MYOF: variants seen among roughly 807,000 people sequenced by gnomAD.
MYOF encodes the protein myoferlin, also known as fer-1-like 3, myoferlin.
A neutral mutation model predicts 284.2 loss-of-function variants in MYOF; 244 were observed. That is an observed-to-expected ratio of 0.86 (90% confidence interval 0.77 to 0.95). The LOEUF (loss-of-function observed/expected upper bound fraction) is 0.95, where lower values mean the gene tolerates loss of function less well. Among genes scored for constraint, MYOF ranks in the 40% least tolerant of loss-of-function variants. The pLI is 0.00. For synonymous variants in MYOF, 904 were observed against 919.7 expected, an observed-to-expected ratio of 0.98 and a Z score of 0.31; for missense variants, 2,496 against 2,560.6, an observed-to-expected ratio of 0.97 and a Z score of 0.54.
intron 13 of MYOF, 133 bp downstream of exon 13, chr10:93,399,259 T>A: frequency 1.6e-6 from 1 of 643,158 alleles, no homozygotes; most frequent in Non-Finnish European, 2.7e-6. Context: ...TCAGATAATC[T>A]GTGTTCCCTC....
chr10:93,361,366 G>A (rs1845062671), intron 28 of MYOF, 86 bp downstream of exon 28: 1 of 1,307,734 alleles, frequency 7.6e-7, no homozygotes, highest in African/African-American at 1.5e-5. Context: ...ACAGAAGTGA[G>A]GCCCCTCCCT....
At chr10:93,427,697 G>A (rs17481041) in intron 4 of MYOF, among the ~76,000 whole-genome samples, 19,969 of 151,854 alleles carry the variant, frequency 0.13, 1,465 homozygotes, top group Middle Eastern at 0.19. Flanking sequence ...TGTGACCTCC[G>A]AAATGCCTAG....
At chr10:93,388,562 G>A (rs542161204) in intron 18 of MYOF, among the ~76,000 whole-genome samples, 249 of 152,298 alleles carry the variant, frequency 1.6e-3, no homozygotes, top group Non-Finnish European at 2.2e-3. Flanking sequence ...TTTCTCTCTA[G>A]CTTGGTCTCT....
chr10:93,397,112 C>A, intron 15 of MYOF, 135 bp downstream of exon 15: 1 of 665,750 alleles, frequency 1.5e-6, no homozygotes, highest in Non-Finnish European at 2.3e-6. Context: ...TTAAGAAACG[C>A]CCAGTTCCAG....
chr10:93,344,303 T>G (rs1049410522), intron 37 of MYOF, among the ~76,000 whole-genome samples: 14 of 151,808 alleles, frequency 9.2e-5, no homozygotes, highest in Non-Finnish European at 1.9e-4. Context: ...GTACAAGAGG[T>G]TTTTGGTTAC....
chr10:93,405,794 ATTT>A lies in MYOF; in HGVS notation c.730-1578_730-1576del, dbSNP rs3866906. Among the ~76,000 whole-genome samples, 843 of 113,778 alleles carry A rather than the reference ATTT, an allele frequency of 7.4e-3. 5 individuals carry two copies. The highest frequency in any genetic ancestry group is 0.019 in the Middle Eastern group (4 of 206). 74.6% of individuals were successfully genotyped at this position (113,778 alleles called of 152,430 possible). A position where few individuals can be genotyped will look rare whatever the true frequency, so the allele number is the denominator to read the frequency against. ...GTTAAAAAGATATATACAGGCTAGG[ATTT>A]TTTTTTTTTTTTTTTTTTTTGACGG... is the stretch of plus-strand genomic sequence containing the variant. On this transcript the variant is annotated intron_variant, in intron 7 of 53. Transcript: ENST00000359263.
chr10:93,322,242 C>T (rs569965172), intron 48 of MYOF, among the ~76,000 whole-genome samples: 15 of 152,264 alleles, frequency 9.9e-5, no homozygotes, highest in African/African-American at 2.6e-4. Flanking sequence ...TATTAAATGT[C>T]GCAAGTCTTA....
intron 46 of MYOF, among the ~76,000 whole-genome samples, chr10:93,325,202 A>G (rs930452231): frequency 6.6e-6 from 1 of 152,234 alleles, no homozygotes; most frequent in Non-Finnish European, 1.5e-5. Context: ...CATCTTCATT[A>G]TAACAAGCTT....
chr10:93,431,029 T>TTTTCTTTC (rs534814213), intron 4 of MYOF, among the ~76,000 whole-genome samples: 18,333 of 148,196 alleles, frequency 0.12, 868 homozygotes, highest in Middle Eastern at 0.19. Context: ...CTTTTCTTTT[T>TTTTCTTTC]TTTTTTTTTT....
At chr10:93,308,938 C>T (rs978352696) in intron 53 of MYOF, among the ~76,000 whole-genome samples, 2 of 152,194 alleles carry the variant, frequency 1.3e-5, no homozygotes, top group Non-Finnish European at 2.9e-5. Flanking sequence ...TCTTGAACTC[C>T]TGACCTCAAG....
intron 5 of MYOF, among the ~76,000 whole-genome samples, chr10:93,412,682 T>A (rs1461764539): frequency 3.3e-5 from 5 of 152,218 alleles, no homozygotes; most frequent in Non-Finnish European, 7.3e-5. Context: ...TCTTTGTTTC[T>A]GCCCCATGCC....
intron 5 of MYOF, among the ~76,000 whole-genome samples, chr10:93,425,176 G>C (rs528177653): frequency 6.6e-6 from 1 of 152,052 alleles, no homozygotes; most frequent in Admixed American, 6.5e-5. Context: ...CCTGACCCCA[G>C]GTGATTCACC....
intron 6 of MYOF, among the ~76,000 whole-genome samples, chr10:93,409,149 A>G (rs1847775092): frequency 6.6e-6 from 1 of 152,172 alleles, no homozygotes; most frequent in South Asian, 2.1e-4. Flanking sequence ...AAATCATTCA[A>G]AGCCGGCCTG....
At chr10:93,445,854 G>A (rs879837658) in intron 3 of MYOF, among the ~76,000 whole-genome samples, 1 of 152,168 alleles carries the variant, frequency 6.6e-6, no homozygotes, top group Admixed American at 6.5e-5. Context: ...AAACCCTTCC[G>A]CCCCAACCCT....
chr10:93,396,981 A>T (rs701858), intron 15 of MYOF, among the ~76,000 whole-genome samples: 76,177 of 152,038 alleles, frequency 0.5, 19,336 homozygotes, highest in Middle Eastern at 0.71. Flanking sequence ...CCTAATGATA[A>T]TTAAATCCCT....
intron 5 of MYOF, among the ~76,000 whole-genome samples, chr10:93,410,482 A>G (rs993376711): frequency 3.3e-5 from 5 of 152,048 alleles, no homozygotes; most frequent in East Asian, 3.9e-4. Flanking sequence ...AGGCTCCCCA[A>G]ATGTCTCCTC....
At chr10:93,399,355 A>G (rs1486758934) in intron 13 of MYOF, 37 bp downstream of exon 13, 2 of 1,462,686 alleles carry the variant, frequency 1.4e-6, no homozygotes, top group East Asian at 2.3e-5. Context: ...TTAGATATTT[A>G]TTACTAGCAG....
At chr10:93,320,062 T>A in intron 48 of MYOF, 49 bp from the exon 49 acceptor site, 1 of 1,605,726 alleles carries the variant, frequency 6.2e-7, no homozygotes. Context: ...TGACAAGTCA[T>A]GTAGCCGCAA....
chr10:93,438,395 T>A (rs10509658), intron 3 of MYOF, among the ~76,000 whole-genome samples: 7,050 of 152,184 alleles, frequency 0.046, 218 homozygotes, highest in Non-Finnish European at 0.07. Flanking sequence ...GCAGCTCGTA[T>A]CACAGGAAAC....
Sources: gnomAD v4.1 joint callset for allele counts (sites outside exome capture counted in the v4.1 genomes callset) on GRCh38, gnomAD v4.1.1 for gene constraint, MANE v1.5 for transcripts, NCBI Gene and HGNC (gene_info 2026-07-23, HGNC 2026-07-21) for gene names.